POLR2F: variants seen among roughly 807,000 people sequenced by gnomAD.
The protein encoded by POLR2F is DNA-directed RNA polymerases I, II, and III subunit RPABC2.
Under a neutral mutation model 22.7 loss-of-function variants are expected in POLR2F, and 12 were observed. That is an observed-to-expected ratio of 0.53 (90% CI 0.34 to 0.86). The LOEUF (loss-of-function observed/expected upper bound fraction) is 0.86. Ranked by LOEUF, POLR2F falls within the 40% of genes least tolerant of loss-of-function variation. The probability of loss-of-function intolerance (pLI) is 0.02; values close to 1 mark genes in which losing one functional copy is unlikely to be tolerated. For missense variants in POLR2F, 126 were observed against 171.5 expected, an observed-to-expected ratio of 0.73 and a Z score of 1.48; for synonymous variants, 57 against 66.0, an observed-to-expected ratio of 0.86 and a Z score of 0.66.
At chr22:37,976,694 T>C (rs1343457773) in intron 4 of POLR2F, among the ~76,000 whole-genome samples, 1 of 152,202 alleles carries the variant, frequency 6.6e-6, no homozygotes, top group African/African-American at 2.4e-5. Context: ...ACAGCTGAGA[T>C]CTGAGCCCAG....
chr22:37,985,863 A>C (rs962527527), upstream of POLR2F, among the ~76,000 whole-genome samples: 2 of 151,580 alleles, frequency 1.3e-5, no homozygotes, highest in Admixed American at 1.3e-4. Flanking sequence ...ATGCTCACAC[A>C]CACAACCAGC....
chr22:37,984,689 A>G (rs914887953), upstream of POLR2F, among the ~76,000 whole-genome samples: 3 of 152,188 alleles, frequency 2.0e-5, no homozygotes, highest in South Asian at 6.2e-4. The surrounding 1 kb of genome is among the most constrained non-coding windows in gnomAD (Gnocchi z 4.4). Flanking sequence ...CTCCACCCGG[A>G]GCCCAGGCCC....
Position 37,980,417 on chromosome 22 carries a change from G to A in POLR2F, c.293+13247G>A, listed in dbSNP as rs1174144156. Among the ~76,000 whole-genome samples, 1 of 152,144 alleles carries A rather than the reference G, an allele frequency of 6.6e-6. No homozygotes were observed. Among genetic ancestry groups the A allele is most frequent in the Non-Finnish European group, 1.5e-5 (1 of 68,020 alleles). On this transcript the variant is annotated intron_variant, in intron 4 of 4. Coordinates refer to the POLR2F transcript ENST00000405557. This position sits in a 1 kb window ranked among gnomAD's most constrained non-coding sequence, Gnocchi z 4.1. Reference sequence around the variant, plus strand: ...AGCAAGAAAGTGACAGGGGCCAGAAGAGAGAGAGGATTCCAACATCGGATT... The same window carrying A: ...AGCAAGAAAGTGACAGGGGCCAGAAAAGAGAGAGGATTCCAACATCGGATT...
At chr22:38,038,212 C>T (rs1052658173) in intron 5 of POLR2F, among the ~76,000 whole-genome samples, 1 of 152,192 alleles carries the variant, frequency 6.6e-6, no homozygotes, top group Non-Finnish European at 1.5e-5. Flanking sequence ...AAGGGACAAG[C>T]TCCCTGTCAG....
At chr22:37,995,360 T>C (rs1344365221) in intron 1 of POLR2F, among the ~76,000 whole-genome samples, 1 of 152,166 alleles carries the variant, frequency 6.6e-6, no homozygotes, top group East Asian at 1.9e-4. Flanking sequence ...GGGTCTGTCA[T>C]TCCCTTAGCG....
upstream of POLR2F, chr22:37,986,003 C>T (rs534722700): frequency 7.2e-5 from 92 of 1,274,826 alleles, 1 homozygote; most frequent in South Asian, 9.7e-4. This position sits in a 1 kb window ranked among gnomAD's most constrained non-coding sequence, Gnocchi z 4.7. Context: ...CCACCCCCGG[C>T]GCTGCCAACC....
chr22:37,963,883 C>A (rs1333670646), intron 3 of POLR2F, among the ~76,000 whole-genome samples: 1 of 152,108 alleles, frequency 6.6e-6, no homozygotes, highest in Non-Finnish European at 1.5e-5. Flanking sequence ...GGGCGGATCA[C>A]CTGAGGTCAG....
intron 5 of POLR2F, among the ~76,000 whole-genome samples, chr22:38,038,625 T>C (rs1308906276): frequency 6.6e-6 from 1 of 151,978 alleles, no homozygotes; most frequent in Admixed American, 6.5e-5. Context: ...CCAAGTTGTT[T>C]TCCAAGTGAG....
rs1272488625 is a variant in POLR2F at position 37,980,100 on chromosome 22, C to T, written c.293+12930C>T. On this transcript the variant is annotated intron_variant, in intron 4 of 4. Coordinates refer to the POLR2F transcript ENST00000405557. The surrounding 1 kb of genome is among the most constrained non-coding windows in gnomAD (Gnocchi z 4.1). ...TAGCCCCAGCTTTCTCAGAGGGTCC[C>T]TCCAGCCGAGACTCTGTCAGAGTCA... Among the ~76,000 whole-genome samples, 1 of 152,168 alleles carries T rather than the reference C, an allele frequency of 6.6e-6. No homozygotes were observed. Among genetic ancestry groups the T allele is most frequent in the Non-Finnish European group, 1.5e-5 (1 of 68,024 alleles).
chr22:38,006,919 TCA>T (rs1483556955), intron 1 of POLR2F, among the ~76,000 whole-genome samples: 1 of 152,222 alleles, frequency 6.6e-6, no homozygotes, highest in Non-Finnish European at 1.5e-5. Context: ...TGACTTGTGA[TCA>T]CAGTCCAAGT....
At chr22:37,984,773 G>T (rs1348360650), upstream of POLR2F, among the ~76,000 whole-genome samples, 1 of 152,186 alleles carries the variant, frequency 6.6e-6, no homozygotes, top group Admixed American at 6.5e-5. This position sits in a 1 kb window ranked among gnomAD's most constrained non-coding sequence, Gnocchi z 4.4. Flanking sequence ...CTGGGAGGTG[G>T]AGGGGAGGTT....
chr22:37,959,056 C>T (rs747037547), intron 2 of POLR2F, among the ~76,000 whole-genome samples: 1 of 152,130 alleles, frequency 6.6e-6, no homozygotes, highest in Non-Finnish European at 1.5e-5. Context: ...GCCCTCTGCT[C>T]TCTTCTGGAT....
At chr22:37,956,223 G>A (rs1002850058) in intron 1 of POLR2F, among the ~76,000 whole-genome samples, 17 of 151,886 alleles carry the variant, frequency 1.1e-4, no homozygotes, top group Admixed American at 7.9e-4. Context: ...CCAAGTAGTT[G>A]GGATTACAGG....
downstream of POLR2F, among the ~76,000 whole-genome samples, chr22:38,027,594 C>T (rs189299434): frequency 2.6e-5 from 4 of 152,246 alleles, no homozygotes; most frequent in East Asian, 1.9e-4. Context: ...TCACAGCTCC[C>T]GATCCTCCTC....
At chr22:38,038,551 C>G (rs1241588746) in intron 5 of POLR2F, among the ~76,000 whole-genome samples, 1 of 152,168 alleles carries the variant, frequency 6.6e-6, no homozygotes, top group Admixed American at 6.5e-5. Context: ...CCACCTTCCG[C>G]CGTGGCCTTG....
intron 1 of POLR2F, among the ~76,000 whole-genome samples, chr22:38,006,754 G>A (rs1443868793): frequency 6.6e-6 from 1 of 152,162 alleles, no homozygotes; most frequent in African/African-American, 2.4e-5. Flanking sequence ...AGCAACCATG[G>A]CCCCAGCTCT....
chr22:37,973,741 C>T (rs1227683871), downstream of POLR2F: 2 of 1,602,214 alleles, frequency 1.2e-6, no homozygotes, highest in African/African-American at 1.3e-5. Flanking sequence ...CATAGTGGGG[C>T]AGGCTGAGGG....
In POLR2F at chr22:37,967,791, C is replaced by A. The variant is rs1931918181; in HGVS notation, c.*76C>A. On this transcript the variant is annotated 3_prime_UTR_variant, in exon 5 of 5. Coordinates refer to ENST00000442738, the MANE Select transcript of POLR2F (RefSeq NM_021974.5). ...TTATATGTGTAAATAATAAAATATT[C>A]AACTTTCCAACCCCCTTCCCCTCTG... 3.3e-6 allele frequency: 5 copies of A among 1,530,504 alleles called. No homozygotes were observed. The highest frequency in any genetic ancestry group is 4.4e-6 in the Non-Finnish European group (5 of 1,141,672). 94.8% of individuals were successfully genotyped at this position (1,530,504 alleles called of 1,614,324 possible). A position where few individuals can be genotyped will look rare whatever the true frequency, so the allele number is the denominator to read the frequency against.
intron 4 of POLR2F, chr22:37,977,937 G>C (rs761481230): frequency 6.2e-7 from 1 of 1,612,786 alleles, no homozygotes; most frequent in Non-Finnish European, 8.5e-7. Context: ...CCAAGTGGGC[G>C]CTCTTGTAGT....
Sources: gnomAD v4.1 joint callset for allele counts (sites outside exome capture counted in the v4.1 genomes callset) on GRCh38, gnomAD v4.1.1 for gene constraint, Gnocchi (gnomAD v3.1) non-coding constraint, MANE v1.5 for transcripts, NCBI Gene and HGNC (gene_info 2026-07-23, HGNC 2026-07-21) for gene names.